SCHIP1: variants seen among roughly 807,000 people sequenced by gnomAD.
SCHIP1 encodes schwannomin interacting protein 1.
A neutral mutation model predicts 29.7 loss-of-function variants in SCHIP1; 8 were observed. The observed-to-expected ratio is 0.27, with a 90% confidence interval of 0.16 to 0.49. The LOEUF is 0.49. Ranked by LOEUF, SCHIP1 falls within the 20% of genes least tolerant of loss-of-function variation. The pLI is 0.99. For synonymous variants in SCHIP1, 76 were observed against 94.9 expected, an observed-to-expected ratio of 0.80 and a Z score of 1.16; for missense variants, 193 against 294.6, an observed-to-expected ratio of 0.66 and a Z score of 2.52.
At chr3:159,663,100 ACT>A in the SCHIP1 span, among the ~76,000 whole-genome samples, 1 of 152,112 alleles carries the variant, frequency 6.6e-6, no homozygotes, top group Non-Finnish European at 1.5e-5. Context: ...GGGTTTTGTC[ACT>A]CTGATATTCT....
At chr3:159,346,162 T>G in the SCHIP1 span, among the ~76,000 whole-genome samples, 1 of 144,788 alleles carries the variant, frequency 6.9e-6, no homozygotes, top group Admixed American at 7.1e-5. Context: ...CACTCCAGCC[T>G]GGGCAAGAGA....
At chr3:159,829,730 A>G in the SCHIP1 span, among the ~76,000 whole-genome samples, 42 of 152,208 alleles carry the variant, frequency 2.8e-4, no homozygotes, top group Non-Finnish European at 4.7e-4. Flanking sequence ...ATGCCTGTGC[A>G]TGCCCAAGCA....
At chr3:159,434,942 G>C in the SCHIP1 span, among the ~76,000 whole-genome samples, 1 of 152,108 alleles carries the variant, frequency 6.6e-6, no homozygotes, top group Admixed American at 6.6e-5. Flanking sequence ...AGAATAGGTG[G>C]TCCTTGAGGG....
the SCHIP1 span, among the ~76,000 whole-genome samples, chr3:159,763,110 G>T: frequency 6.6e-6 from 1 of 152,174 alleles, no homozygotes; most frequent in African/African-American, 2.4e-5. Context: ...AGGGAAACGT[G>T]AGCTAAAGCA....
chr3:159,539,770 T>C, the SCHIP1 span, among the ~76,000 whole-genome samples: 1 of 135,742 alleles, frequency 7.4e-6, no homozygotes, highest in East Asian at 2.4e-4. Context: ...CATTTTAAGC[T>C]AATAAAACAA....
At chr3:159,509,453 T>C in the SCHIP1 span, among the ~76,000 whole-genome samples, 417 of 152,342 alleles carry the variant, frequency 2.7e-3, 2 homozygotes, top group South Asian at 0.019. Flanking sequence ...AATTGGAGCA[T>C]TTAGCCCATT....
the SCHIP1 span, among the ~76,000 whole-genome samples, chr3:159,790,410 G>C: frequency 6.6e-6 from 1 of 152,208 alleles, no homozygotes; most frequent in Non-Finnish European, 1.5e-5. Flanking sequence ...ACTATTTCCA[G>C]CTGGGTGCAG....
At chr3:159,408,774 C>A in the SCHIP1 span, among the ~76,000 whole-genome samples, 1 of 152,140 alleles carries the variant, frequency 6.6e-6, no homozygotes, top group African/African-American at 2.4e-5. Flanking sequence ...GGAATACTTT[C>A]AAACTAATTC....
At chr3:159,661,693 G>A in the SCHIP1 span, among the ~76,000 whole-genome samples, 1 of 152,104 alleles carries the variant, frequency 6.6e-6, no homozygotes, top group Admixed American at 6.5e-5. Context: ...GTGTTTCCCA[G>A]GGCACCCTCT....
the SCHIP1 span, among the ~76,000 whole-genome samples, chr3:159,288,800 C>T: frequency 2.0e-5 from 3 of 152,198 alleles, no homozygotes; most frequent in East Asian, 3.9e-4. Context: ...GAAGCAACCT[C>T]AAAATCTGAA....
intron 2 of SCHIP1, among the ~76,000 whole-genome samples, chr3:159,867,212 C>T (rs188743308): frequency 6.6e-6 from 1 of 152,322 alleles, no homozygotes; most frequent in Admixed American, 6.5e-5. Flanking sequence ...TGTTTCCTCT[C>T]AGTCTTCCTT....
chr3:159,749,258 C>T, the SCHIP1 span, among the ~76,000 whole-genome samples: 1 of 151,954 alleles, frequency 6.6e-6, no homozygotes, highest in South Asian at 2.1e-4. Flanking sequence ...GGGAGGATCA[C>T]CTGAGCCCAA....
chr3:159,766,108 C>T, the SCHIP1 span, among the ~76,000 whole-genome samples: 1 of 152,330 alleles, frequency 6.6e-6, no homozygotes, highest in South Asian at 2.1e-4. Context: ...AATTTGAAAT[C>T]ATTAATGATG....
chr3:159,600,002 T>C, the SCHIP1 span, among the ~76,000 whole-genome samples: 39 of 152,340 alleles, frequency 2.6e-4, no homozygotes, highest in African/African-American at 8.7e-4. Flanking sequence ...CCTTGGTTGA[T>C]AGCTGTTTTC....
At chr3:159,694,172 T>C in the SCHIP1 span, among the ~76,000 whole-genome samples, 1 of 152,202 alleles carries the variant, frequency 6.6e-6, no homozygotes, top group Middle Eastern at 3.4e-3. Flanking sequence ...TCCCATGAGG[T>C]ATACTAAAAT....
At chr3:159,385,507 A>T in the SCHIP1 span, among the ~76,000 whole-genome samples, 1 of 150,572 alleles carries the variant, frequency 6.6e-6, no homozygotes, top group Admixed American at 6.6e-5. Context: ...CAGCAAGCCG[A>T]GATCACACTA....
the SCHIP1 span, among the ~76,000 whole-genome samples, chr3:159,403,145 A>T: frequency 6.6e-6 from 1 of 152,198 alleles, no homozygotes; most frequent in Non-Finnish European, 1.5e-5. Context: ...ATGGGCAAAT[A>T]AAATGTAGGG....
chr3:159,858,612 T>C (rs547887076), intron 1 of SCHIP1, among the ~76,000 whole-genome samples: 46 of 152,344 alleles, frequency 3.0e-4, no homozygotes, highest in African/African-American at 1.1e-3. Context: ...AATATATTTA[T>C]TTATAAATGC....
chr3:159,349,702 C>T, the SCHIP1 span, among the ~76,000 whole-genome samples: 1 of 152,134 alleles, frequency 6.6e-6, no homozygotes, highest in Non-Finnish European at 1.5e-5. Context: ...AAAGTGACAA[C>T]CTGGAAGTCA....
Sources: allele counts gnomAD v4.1 joint callset (sites outside exome capture counted in the v4.1 genomes callset), GRCh38; gene constraint gnomAD v4.1.1; transcripts MANE v1.5; gene names NCBI Gene and HGNC (gene_info 2026-07-23, HGNC 2026-07-21).